The following TRAPPC9 variants were observed in gnomAD, a reference collection of about 807,000 sequenced individuals.
TRAPPC9 encodes the protein IKK2 binding protein.
TRAPPC9 carries 83 observed loss-of-function variants against 124.0 expected under a neutral mutation model. The observed-to-expected ratio is 0.67, with a 90% CI of 0.56 to 0.80. The LOEUF (loss-of-function observed/expected upper bound fraction) is 0.80. TRAPPC9 is among the 30% of genes least tolerant of loss of function. The probability of loss-of-function intolerance (pLI) is 0.00; values close to 1 mark genes in which losing one functional copy is unlikely to be tolerated. For missense variants in TRAPPC9, 1,302 were observed against 1,508.3 expected (o/e 0.86, Z 2.27); for synonymous variants, 638 against 617.5 (o/e 1.03, Z -0.49).
rs190622397 is a variant in TRAPPC9 at position 140,189,041 on chromosome 8, T to C, written c.2556+32418A>G. On this transcript the variant is annotated intron_variant, in intron 17 of 22. Transcript: ENST00000438773. ...ATAACACTACAAATGCTTCTGTGTA[T>C]GGAACCCATACCATACACAAATATT... Among the ~76,000 whole-genome samples, 11 of 152,346 alleles carry C rather than the reference T, an allele frequency of 7.2e-5. No individual in the cohort carries two copies. The East Asian group carries it at 1.9e-3, about 27-fold the overall frequency.
intron 21 of TRAPPC9, among the ~76,000 whole-genome samples, chr8:139,737,466 T>G (rs867017388): frequency 2.2e-4 from 9 of 41,370 alleles, no homozygotes; most frequent in East Asian, 2.2e-3. Flanking sequence ...TCATCAGCCC[T>G]CCCCCCCCCC....
At chr8:140,134,864 T>A (rs915747820) in intron 17 of TRAPPC9, among the ~76,000 whole-genome samples, 1 of 152,126 alleles carries the variant, frequency 6.6e-6, no homozygotes. Flanking sequence ...AAGGATATTA[T>A]CAAGAAAATA....
At position 140,024,099 on chromosome 8, in the gene TRAPPC9, A is replaced by G. The variant is rs1158782004; in HGVS notation, c.2557-20T>C. The stretch of plus-strand genomic sequence containing the variant: ...CAGGGTCTAAAAGATATTAAAAAAA[A>G]AAATACACACACACACATTAGTAAC... On this transcript the variant is annotated intron_variant, in intron 17 of 22. Coordinates refer to ENST00000438773, the MANE Select transcript of TRAPPC9 (RefSeq NM_001160372.4). 1.2e-6 allele frequency: 2 copies of G among 1,612,548 alleles called. No individual in the cohort carries two copies. Among genetic ancestry groups the G allele is most frequent in the Non-Finnish European group, 8.5e-7 (1 of 1,179,876 alleles).
chr8:140,092,076 CAAAAAA>C (rs531147407), intron 17 of TRAPPC9, among the ~76,000 whole-genome samples: 1 of 78,168 alleles, frequency 1.3e-5, no homozygotes, highest in African/African-American at 4.7e-5. Flanking sequence ...CCAAGCACTC[CAAAAAA>C]AAAAAAAAAA....
chr8:140,289,833 C>T (rs1303484627), intron 12 of TRAPPC9, among the ~76,000 whole-genome samples: 1 of 152,188 alleles, frequency 6.6e-6, no homozygotes, highest in Non-Finnish European at 1.5e-5. Flanking sequence ...TCAGTCCTCG[C>T]CCAACAGGAG....
At chr8:140,371,875 G>C (rs980561408) in intron 7 of TRAPPC9, among the ~76,000 whole-genome samples, 3 of 152,062 alleles carry the variant, frequency 2.0e-5, no homozygotes, top group Admixed American at 6.6e-5. Flanking sequence ...GCTAATTTTT[G>C]TACTTTCAGT....
intron 21 of TRAPPC9, among the ~76,000 whole-genome samples, chr8:139,756,782 T>A (rs1254100077): frequency 7.2e-5 from 6 of 82,790 alleles, no homozygotes; most frequent in Admixed American, 1.2e-4. Flanking sequence ...GGAGCCAGGG[T>A]TTGGGGATGA....
intron 8 of TRAPPC9, 56 bp from the exon 9 acceptor site, chr8:140,360,249 C>A (rs548027377): frequency 1.9e-6 from 3 of 1,609,404 alleles, no homozygotes; most frequent in South Asian, 2.2e-5. Flanking sequence ...ACAGGAAATA[C>A]GGTTAATCTA....
At chr8:140,389,456 C>T (rs1402586614) in intron 7 of TRAPPC9, among the ~76,000 whole-genome samples, 1 of 152,208 alleles carries the variant, frequency 6.6e-6, no homozygotes, top group Admixed American at 6.5e-5. Context: ...ACTGCCGTCA[C>T]GGCCACTCAG....
chr8:140,269,249 A>T (rs1054914369), intron 15 of TRAPPC9, among the ~76,000 whole-genome samples: 2 of 152,128 alleles, frequency 1.3e-5, no homozygotes, highest in Non-Finnish European at 2.9e-5. Flanking sequence ...AAAAAAAAAT[A>T]AGATGGATTT....
intron 17 of TRAPPC9, among the ~76,000 whole-genome samples, chr8:140,126,678 T>TCCTA (rs754033551): frequency 6.6e-6 from 1 of 152,228 alleles, no homozygotes; most frequent in Non-Finnish European, 1.5e-5. Context: ...TAGGACAGTG[T>TCCTA]ATTTAGCCAG....
chr8:139,787,280 A>T (rs1235404046), intron 21 of TRAPPC9, among the ~76,000 whole-genome samples: 1 of 151,874 alleles, frequency 6.6e-6, no homozygotes, highest in Admixed American at 6.5e-5. Context: ...GAGCTGCTTT[A>T]TGACTCTTGT....
At chr8:140,109,712 G>A (rs2060728981) in intron 17 of TRAPPC9, among the ~76,000 whole-genome samples, 1 of 152,192 alleles carries the variant, frequency 6.6e-6, no homozygotes, top group South Asian at 2.1e-4. Flanking sequence ...TGGGGAATAT[G>A]GGGCAAGTTA....
intron 17 of TRAPPC9, among the ~76,000 whole-genome samples, chr8:140,141,982 C>T (rs2061388187): frequency 6.6e-6 from 1 of 152,168 alleles, no homozygotes; most frequent in South Asian, 2.1e-4. Flanking sequence ...CCTGGGGGAA[C>T]AAAGCACAGG....
chr8:140,020,033 T>C (rs1839736574), intron 18 of TRAPPC9, among the ~76,000 whole-genome samples: 1 of 151,938 alleles, frequency 6.6e-6, no homozygotes, highest in African/African-American at 2.4e-5. Flanking sequence ...TTATGATTTT[T>C]AATAATATTA....
At position 140,097,980 on chromosome 8, in the gene TRAPPC9, A is replaced by C. The variant is rs1425376648; in HGVS notation, c.2557-73901T>G. On this transcript the variant is annotated intron_variant, in intron 17 of 22. Transcript: ENST00000438773. The surrounding 1 kb of genome is among the most constrained non-coding windows in gnomAD (Gnocchi z 4.2). ...GTCGCACCCTTGCCGCAGTCCGCAC[A>C]GTAAAGACGCTCACCAGGTCCTCCG... 3 of 152,392 alleles carry C rather than the reference A, an allele frequency of 2.0e-5. No homozygotes were observed. The highest frequency in any genetic ancestry group is 4.4e-5 in the Non-Finnish European group (3 of 68,174). 9.4% of individuals were successfully genotyped at this position (152,392 alleles called of 1,614,324 possible).
At chr8:140,000,503 C>A (rs929135059) in intron 18 of TRAPPC9, among the ~76,000 whole-genome samples, 1 of 152,134 alleles carries the variant, frequency 6.6e-6, no homozygotes, top group African/African-American at 2.4e-5. Context: ...GGCTAATATC[C>A]AGAATCTACA....
chr8:140,407,358 T>C (rs1312888660), intron 5 of TRAPPC9, among the ~76,000 whole-genome samples: 1 of 151,902 alleles, frequency 6.6e-6, no homozygotes, highest in Non-Finnish European at 1.5e-5. Context: ...TTTATTTCAT[T>C]AGCTATAATG....
intron 21 of TRAPPC9, among the ~76,000 whole-genome samples, chr8:139,816,768 C>T (rs182753929): frequency 4.6e-5 from 7 of 152,208 alleles, no homozygotes; most frequent in Non-Finnish European, 1.0e-4. Flanking sequence ...TCCTGTGCTT[C>T]GTGGATAAGG....
Sources: allele counts gnomAD v4.1 joint callset (sites outside exome capture counted in the v4.1 genomes callset), GRCh38; gene constraint gnomAD v4.1.1; non-coding constraint Gnocchi (gnomAD v3.1); transcripts MANE v1.5; gene names NCBI Gene and HGNC (gene_info 2026-07-23, HGNC 2026-07-21).